AFG2A: variants seen among roughly 807,000 people sequenced by gnomAD.
AFG2A encodes the protein ATPase family gene 2 protein homolog A.
the AFG2A span, among the ~76,000 whole-genome samples, chr4:123,057,456 T>C: frequency 2.0e-5 from 3 of 152,292 alleles, no homozygotes; most frequent in Non-Finnish European, 4.4e-5. Flanking sequence ...ATTAAATTAT[T>C]TCATGTAATT....
At chr4:123,037,589 A>G in the AFG2A span, among the ~76,000 whole-genome samples, 2 of 147,962 alleles carry the variant, frequency 1.4e-5, no homozygotes, top group East Asian at 3.9e-4. Context: ...CTCTGTAGTT[A>G]GATATAAATG....
At chr4:123,296,097 A>G in the AFG2A span, among the ~76,000 whole-genome samples, 15,826 of 152,022 alleles carry the variant, frequency 0.1, 924 homozygotes, top group Middle Eastern at 0.17. Context: ...CTGGACAATC[A>G]TAAGTGGCTA....
At chr4:122,926,362 G>T in the AFG2A span, among the ~76,000 whole-genome samples, 3 of 152,322 alleles carry the variant, frequency 2.0e-5, no homozygotes, top group South Asian at 6.2e-4. Flanking sequence ...TACTGTTAAT[G>T]ACCAGCAAAC....
the AFG2A span, among the ~76,000 whole-genome samples, chr4:123,047,873 A>AATT: frequency 2.0e-5 from 3 of 151,430 alleles, no homozygotes; most frequent in Non-Finnish European, 4.4e-5. Flanking sequence ...TATTTTTTTA[A>AATT]ATTATTATTA....
chr4:123,244,100 TA>T, the AFG2A span, among the ~76,000 whole-genome samples: 2 of 151,908 alleles, frequency 1.3e-5, no homozygotes, highest in African/African-American at 4.8e-5. Flanking sequence ...AAAAAGACAT[TA>T]TTTTGTAATG....
chr4:123,111,339 C>A, the AFG2A span, among the ~76,000 whole-genome samples: 1 of 152,078 alleles, frequency 6.6e-6, no homozygotes, highest in Non-Finnish European at 1.5e-5. Context: ...TTTTTGGACA[C>A]CCCTCGTATT....
chr4:123,046,456 A>G, the AFG2A span, among the ~76,000 whole-genome samples: 4 of 152,150 alleles, frequency 2.6e-5, no homozygotes, highest in South Asian at 2.1e-4. Context: ...TTTTATTTTA[A>G]TCATTTTGGA....
chr4:122,930,668 G>A, the AFG2A span, among the ~76,000 whole-genome samples: 23 of 152,176 alleles, frequency 1.5e-4, no homozygotes, highest in Admixed American at 1.5e-3. Context: ...ATAGTCTGAG[G>A]AGAACTTGCC....
At chr4:123,181,053 C>T in the AFG2A span, among the ~76,000 whole-genome samples, 2 of 147,618 alleles carry the variant, frequency 1.4e-5, no homozygotes, top group Non-Finnish European at 3.0e-5. Flanking sequence ...GGCGCGATCT[C>T]GGCTCACTGC....
chr4:123,309,318 T>G, the AFG2A span, among the ~76,000 whole-genome samples: 32 of 152,186 alleles, frequency 2.1e-4, no homozygotes, highest in Non-Finnish European at 1.0e-4. Context: ...ACAGATTTGG[T>G]GTCTGGTGAG....
chr4:122,991,804 A>G, the AFG2A span, among the ~76,000 whole-genome samples: 1 of 152,220 alleles, frequency 6.6e-6, no homozygotes, highest in African/African-American at 2.4e-5. Context: ...TGCTCATTTA[A>G]TGTAAATAAT....
At chr4:123,149,249 T>G in the AFG2A span, among the ~76,000 whole-genome samples, 1 of 152,084 alleles carries the variant, frequency 6.6e-6, no homozygotes, top group Non-Finnish European at 1.5e-5. Context: ...GCTGCAACAC[T>G]TGACAAAATC....
At chr4:123,062,329 A>G in the AFG2A span, among the ~76,000 whole-genome samples, 2 of 152,240 alleles carry the variant, frequency 1.3e-5, no homozygotes, top group Admixed American at 1.3e-4. Flanking sequence ...AGCCTTCTAC[A>G]CTATATACCA....
chr4:122,985,495 C>T, the AFG2A span, among the ~76,000 whole-genome samples: 1 of 152,062 alleles, frequency 6.6e-6, no homozygotes, highest in Admixed American at 6.6e-5. Flanking sequence ...ACTAATTCTT[C>T]CTGATTTAAG....
the AFG2A span, among the ~76,000 whole-genome samples, chr4:123,191,792 A>C: frequency 6.6e-6 from 1 of 152,036 alleles, no homozygotes; most frequent in Non-Finnish European, 1.5e-5. Flanking sequence ...TCATTTTCCT[A>C]CTAATTTGTA....
chr4:122,932,013 T>A, the AFG2A span, among the ~76,000 whole-genome samples: 213 of 152,270 alleles, frequency 1.4e-3, 5 homozygotes, highest in South Asian at 0.027. Flanking sequence ...ACGCCTGTAA[T>A]CCCAGCACTT....
the AFG2A span, among the ~76,000 whole-genome samples, chr4:123,088,748 A>G: frequency 6.6e-6 from 1 of 152,104 alleles, no homozygotes; most frequent in African/African-American, 2.4e-5. Context: ...CCATGTGAAG[A>G]AAGTCCTTGC....
the AFG2A span, among the ~76,000 whole-genome samples, chr4:123,153,508 C>T: frequency 6.6e-6 from 1 of 152,060 alleles, no homozygotes; most frequent in Admixed American, 6.5e-5. Context: ...GCAGGATGTG[C>T]AGATTTGTTA....
the AFG2A span, among the ~76,000 whole-genome samples, chr4:123,150,881 A>G: frequency 6.6e-6 from 1 of 152,222 alleles, no homozygotes; most frequent in Non-Finnish European, 1.5e-5. Context: ...CTGCAAGGCT[A>G]CAGTAACCAA....
Sources: gnomAD v4.1 joint callset for allele counts (sites outside exome capture counted in the v4.1 genomes callset) on GRCh38, gnomAD v4.1.1 for gene constraint, MANE v1.5 for transcripts, NCBI Gene and HGNC (gene_info 2026-07-23, HGNC 2026-07-21) for gene names.